GATAD2A: variants seen among roughly 807,000 people sequenced by gnomAD.
The protein encoded by GATAD2A is GATA zinc finger domain containing 2A, also known as transcriptional repressor p66-alpha.
GATAD2A carries 12 observed loss-of-function variants against 68.5 expected under a neutral mutation model. The ratio of observed to expected loss-of-function variants is 0.18; its 90% CI spans 0.11 to 0.28. GATAD2A has a LOEUF of 0.28. Ranked by LOEUF, GATAD2A falls within the 10% of genes least tolerant of loss-of-function variation. The pLI, the probability that GATAD2A is intolerant of heterozygous loss-of-function variation, is 1.00. For missense variants in GATAD2A, 755 were observed against 868.5 expected (o/e 0.87, Z 1.64); for synonymous variants, 410 against 375.3 (o/e 1.09, Z -1.07).
chr19:19,452,956 C>T (rs967576627), intron 1 of GATAD2A, among the ~76,000 whole-genome samples: 3 of 152,188 alleles, frequency 2.0e-5, no homozygotes, highest in Non-Finnish European at 2.9e-5. Context: ...CAAACGACCT[C>T]GCTCTCCCTC....
intron 1 of GATAD2A, among the ~76,000 whole-genome samples, chr19:19,393,066 G>A (rs1400122511): frequency 1.3e-5 from 2 of 152,210 alleles, no homozygotes; most frequent in Non-Finnish European, 2.9e-5. Flanking sequence ...AGCACTTTGG[G>A]AGGCTGAGGC....
At chr19:19,396,444 G>GA (rs1383806454) in intron 1 of GATAD2A, among the ~76,000 whole-genome samples, 1 of 152,218 alleles carries the variant, frequency 6.6e-6, no homozygotes, top group Non-Finnish European at 1.5e-5. Context: ...GAGCATGTCT[G>GA]AAGGCCAGTG....
intron 1 of GATAD2A, among the ~76,000 whole-genome samples, chr19:19,437,503 A>G (rs944083128): frequency 1.3e-5 from 2 of 152,218 alleles, no homozygotes; most frequent in Non-Finnish European, 2.9e-5. Flanking sequence ...TATATATTCA[A>G]GAGTTCCACA....
intron 11 of GATAD2A, among the ~76,000 whole-genome samples, chr19:19,504,091 A>C (rs1454682394): frequency 6.6e-6 from 1 of 152,112 alleles, no homozygotes; most frequent in Admixed American, 6.5e-5. Flanking sequence ...GGTCCCAGCT[A>C]CTCAGCCAGG....
Position 19,409,039 on chromosome 19 carries a change from T to G in GATAD2A, c.-7+3020T>G, listed in dbSNP as rs567510357. 4.0e-5 allele frequency among the ~76,000 whole-genome samples: 6 copies of G among 149,768 alleles called. No individual in the cohort carries two copies. The East Asian group carries it at 7.8e-4, about 20-fold the overall frequency. ...CTTTTTTTTTTTTTTTTTTTGGTGTTTGTTCTCTTGGAAGAAAATTAAGAA... is the reference window on the plus strand; with the variant it reads ...CTTTTTTTTTTTTTTTTTTTGGTGTGTGTTCTCTTGGAAGAAAATTAAGAA... On this transcript the variant is annotated intron_variant, in intron 1 of 11. Coordinates refer to ENST00000683918, the MANE Select transcript of GATAD2A (RefSeq NM_001384528.1).
chr19:19,492,213 G>A (rs1282409015), intron 2 of GATAD2A, 93 bp from the exon 3 acceptor site: 5 of 1,296,332 alleles, frequency 3.9e-6, no homozygotes, highest in African/African-American at 2.9e-5. Context: ...GGAACAGACG[G>A]GGAGGTCTCA....
intron 6 of GATAD2A, 48 bp from the exon 7 acceptor site, chr19:19,496,003 AT>A: frequency 6.3e-7 from 1 of 1,598,168 alleles, no homozygotes; most frequent in Non-Finnish European, 8.6e-7. Context: ...GTCCCGCTCC[AT>A]TGTTGATCTC....
chr19:19,412,111 C>G (rs1473022865), intron 1 of GATAD2A, among the ~76,000 whole-genome samples: 2 of 150,962 alleles, frequency 1.3e-5, no homozygotes, highest in Admixed American at 1.3e-4. Flanking sequence ...TGGGCTGTCT[C>G]AGGCCGCTTT....
chr19:19,471,347 A>C (rs1328407874), intron 2 of GATAD2A, among the ~76,000 whole-genome samples: 1 of 152,184 alleles, frequency 6.6e-6, no homozygotes, highest in Admixed American at 6.5e-5. Flanking sequence ...CAGCTTTATA[A>C]ACTACTCATG....
At position 19,506,828 on chromosome 19, in the gene GATAD2A, A is replaced by G. The variant is rs1390819598; in HGVS notation, c.*1354A>G. The G allele has an allele frequency of 6.6e-6, 1 of 152,132 alleles. No homozygotes were observed. The highest frequency in any genetic ancestry group is 1.5e-5 in the Non-Finnish European group (1 of 68,018). The allele number at this position is 152,132 out of a possible 1,614,324, so 9.4% of individuals were successfully genotyped here. On this transcript the variant is annotated 3_prime_UTR_variant, in exon 12 of 12. Transcript: ENST00000683918. The stretch of plus-strand genomic sequence containing the variant: ...TGCCCACGTACATACGTATGTCTCC[A>G]TGAGTTCTGGGCTCCACTGGTTCCA...
chr19:19,416,478 G>A lies in GATAD2A; in HGVS notation c.-7+10459G>A, dbSNP rs113586635. ...TCACTCCCTTGGGAAATACAGAGGG[G>A]GTTACTCTTACTTTCCAGAGATGAG... On this transcript the variant is annotated intron_variant, in intron 1 of 11. Transcript: ENST00000683918. Among the ~76,000 whole-genome samples the A allele has an allele frequency of 7.1e-3, 1,080 of 152,210 alleles. 8 individuals carry two copies. The highest frequency in any genetic ancestry group is 9.0e-3 in the Non-Finnish European group (609 of 68,016).
chr19:19,501,055 G>T (rs2060491437), intron 8 of GATAD2A, 63 bp from the exon 9 acceptor site: 1 of 1,444,518 alleles, frequency 6.9e-7, no homozygotes, highest in Non-Finnish European at 9.5e-7. Context: ...TGGGCTGGGG[G>T]CGGCCAGGGC....
upstream of GATAD2A, among the ~76,000 whole-genome samples, chr19:19,400,748 G>T (rs1297606958): frequency 2.0e-5 from 3 of 151,878 alleles, no homozygotes; most frequent in Non-Finnish European, 4.4e-5. Flanking sequence ...ATGGATTTGG[G>T]GTGAAATAAG....
intron 1 of GATAD2A, among the ~76,000 whole-genome samples, chr19:19,432,482 G>C (rs1007887568): frequency 6.6e-6 from 1 of 152,032 alleles, no homozygotes; most frequent in Non-Finnish European, 1.5e-5. Flanking sequence ...TGTATTTTTA[G>C]TAGAGACGAG....
At chr19:19,477,891 T>G (rs2058780770) in intron 2 of GATAD2A, among the ~76,000 whole-genome samples, 1 of 152,226 alleles carries the variant, frequency 6.6e-6, no homozygotes, top group African/African-American at 2.4e-5. Flanking sequence ...CCAGCCATGT[T>G]CCTGTGTTTG....
At chr19:19,455,124 G>T (rs1375304997) in intron 1 of GATAD2A, among the ~76,000 whole-genome samples, 1 of 152,190 alleles carries the variant, frequency 6.6e-6, no homozygotes, top group Non-Finnish European at 1.5e-5. Context: ...GGAGGCTGAG[G>T]CAGGAGGATC....
upstream of GATAD2A, among the ~76,000 whole-genome samples, chr19:19,401,673 ACATAAGT>A (rs1473073297): frequency 6.6e-6 from 1 of 151,858 alleles, no homozygotes; most frequent in Non-Finnish European, 1.5e-5. Flanking sequence ...AGTGTTTATC[ACATAAGT>A]CATCTTGTAT....
At chr19:19,416,266 G>A (rs904987237) in intron 1 of GATAD2A, among the ~76,000 whole-genome samples, 4 of 152,096 alleles carry the variant, frequency 2.6e-5, no homozygotes, top group Non-Finnish European at 4.4e-5. Flanking sequence ...TGTTAGTCCC[G>A]GGCAAGAGCG....
intron 2 of GATAD2A, among the ~76,000 whole-genome samples, chr19:19,470,423 T>G (rs1221497627): frequency 6.6e-6 from 1 of 152,202 alleles, no homozygotes; most frequent in African/African-American, 2.4e-5. Context: ...CGTGAGCCAC[T>G]GTGCCCAGCT....
Sources: allele counts gnomAD v4.1 joint callset (sites outside exome capture counted in the v4.1 genomes callset), GRCh38; gene constraint gnomAD v4.1.1; transcripts MANE v1.5; gene names NCBI Gene and HGNC (gene_info 2026-07-23, HGNC 2026-07-21).